The following MAP3K11 variants were observed in gnomAD, a reference collection of about 807,000 sequenced individuals.
MAP3K11 encodes SH3 domain-containing proline-rich kinase.
In MAP3K11, 46 loss-of-function variants were observed where a neutral mutation model predicts 84.9. That is an observed-to-expected ratio of 0.54 (90% CI 0.43 to 0.69). MAP3K11 has a LOEUF of 0.69. Among genes scored for constraint, MAP3K11 ranks in the 30% least tolerant of loss-of-function variants. The pLI, the probability that MAP3K11 is intolerant of heterozygous loss-of-function variation, is 0.00. For synonymous variants in MAP3K11, 527 were observed against 514.7 expected, an observed-to-expected ratio of 1.02 and a Z score of -0.32; for missense variants, 1,053 against 1,198.3, an observed-to-expected ratio of 0.88 and a Z score of 1.79.
chr11:65,601,525 G>C (rs1214197664), intron 8 of MAP3K11, among the ~76,000 whole-genome samples: 1 of 152,176 alleles, frequency 6.6e-6, no homozygotes, highest in African/African-American at 2.4e-5. Flanking sequence ...GGGAGGCCCA[G>C]GTGGGATGAT....
chr11:65,605,810 T>C lies in MAP3K11; in HGVS notation c.1782A>G (p.Ser594=), dbSNP rs375349799. 22 of 1,612,950 alleles carry C rather than the reference T, an allele frequency of 1.4e-5. No individual in the cohort carries two copies. The Middle Eastern group carries it at 1.3e-3, about 96-fold the overall frequency. Residue 594 remains serine, a synonymous_variant, in exon 8 of 10, where the codon TCA becomes TCG. Coordinates refer to ENST00000309100, the MANE Select transcript of MAP3K11 (RefSeq NM_002419.4). The part of the protein sequence containing the change: ...RMDEATWYLD[S]DDSSPLGSPS... The stretch of plus-strand genomic sequence containing the variant: ...GAGATCCTAAGGGGGATGAGTCATC[T>C]GAATCCAGGTACCATGTGGCTTCGT...
chr11:65,598,118 G>C lies in MAP3K11; in HGVS notation c.*173C>G. On this transcript the variant is annotated 3_prime_UTR_variant, in exon 10 of 10. Coordinates refer to ENST00000309100, the MANE Select transcript of MAP3K11 (RefSeq NM_002419.4). ...ACAGGTTTCAGATGTGGGGGCGCAG[G>C]TCCCCCTTCCAGTGTGAAGGCTTCC... 1 of 450,296 alleles carries C rather than the reference G, an allele frequency of 2.2e-6. No homozygotes were observed. Among genetic ancestry groups the C allele is most frequent in the Non-Finnish European group, 3.8e-6 (1 of 266,624 alleles). 27.9% of individuals were successfully genotyped at this position (450,296 alleles called of 1,614,324 possible).
intron 8 of MAP3K11, among the ~76,000 whole-genome samples, chr11:65,601,593 A>G (rs1854456372): frequency 6.6e-6 from 1 of 151,472 alleles, no homozygotes; most frequent in Non-Finnish European, 1.5e-5. Context: ...TGTCTCTACT[A>G]AAAACACAAA....
Position 65,605,993 on chromosome 11 carries a change from C to T in MAP3K11, c.1692G>A (p.Trp564Ter), listed in dbSNP as rs554314267. The change falls in exon 7 of 10, where the codon TGG (tryptophan) becomes TGA (stop). Residue 564 changes from tryptophan to a stop codon, truncating the protein, a stop_gained. Transcript: ENST00000309100. LOFTEE classifies it high-confidence loss of function. ...GCTTGGGGGAACTGGGACCCCAAGCCCAGCATGCTCGCCGCTCTCCATTGC... is the reference window on the plus strand; with the variant it reads ...GCTTGGGGGAACTGGGACCCCAAGCTCAGCATGCTCGCCGCTCTCCATTGC... ...DSSNGERRAC[W>*]AWGPSSPKPG... is the part of the protein sequence containing the mutation. The T allele has an allele frequency of 6.2e-7, 1 of 1,600,884 alleles. No individual in the cohort carries two copies. Among genetic ancestry groups the T allele is most frequent in the African/African-American group, 1.4e-5 (1 of 74,036 alleles).
chr11:65,598,668 C>T (rs1854414282), intron 9 of MAP3K11, 40 bp from the exon 10 acceptor site: 3 of 1,410,218 alleles, frequency 2.1e-6, no homozygotes, highest in Non-Finnish European at 2.8e-6. Context: ...AAGCAACCCC[C>T]AACTGCTGAG....
intron 8 of MAP3K11, 40 bp downstream of exon 8, chr11:65,605,718 AAGG>A: frequency 6.7e-7 from 1 of 1,485,428 alleles, no homozygotes. Context: ...GTGCCCACGG[AAGG>A]AGCTCAGCCA....
chr11:65,610,172 C>T (rs1042757491), intron 1 of MAP3K11: 1 of 152,350 alleles, frequency 6.6e-6, no homozygotes, highest in African/African-American at 2.4e-5. Flanking sequence ...GCAGCTCTAC[C>T]TGATGTCCAG....
At position 65,606,039 on chromosome 11, in the gene MAP3K11, G is replaced by C. The variant is rs895107481; in HGVS notation, c.1646C>G (p.Pro549Arg). The C allele has an allele frequency of 6.3e-7, 1 of 1,591,018 alleles. No homozygotes were observed. The highest frequency in any genetic ancestry group is 1.4e-5 in the African/African-American group (1 of 73,502). Reference protein sequence around the residue: ...EPGQAWGRQSPRRLEDSSNGE... With the variant: ...EPGQAWGRQSRRRLEDSSNGE... ...ATTGCTTGAGTCCTCCAGACGTCGG[G>C]GGGACTGGCGGCCCCATGCCTGGCC... Residue 549 changes from proline to arginine, a missense_variant, in exon 7 of 10, where the codon CCC (proline) becomes CGC (arginine). Transcript: ENST00000309100.
intron 9 of MAP3K11, 113 bp downstream of exon 9, chr11:65,599,281 G>C: frequency 1.5e-6 from 2 of 1,294,158 alleles, no homozygotes; most frequent in Non-Finnish European, 2.0e-6. Flanking sequence ...TCAGGGTCCA[G>C]CTGATGACTG....
intron 1 of MAP3K11, 124 bp from the exon 2 acceptor site, chr11:65,608,572 T>C: frequency 3.9e-6 from 3 of 764,398 alleles, no homozygotes; most frequent in South Asian, 1.8e-5. Flanking sequence ...GGTGACTTGG[T>C]CTAGATCTTG....
chr11:65,610,557 C>T (rs7122657), intron 1 of MAP3K11: 40,828 of 152,184 alleles, frequency 0.27, 6,030 homozygotes, highest in Non-Finnish European at 0.34. Flanking sequence ...ATTTAGCAAG[C>T]CCCCGACGAC....
At chr11:65,606,982 T>A (rs1196057590) in intron 5 of MAP3K11, 178 bp from the exon 6 acceptor site, 2 of 575,502 alleles carry the variant, frequency 3.5e-6, no homozygotes, top group Middle Eastern at 4.4e-4. Context: ...GGAAAGCTAC[T>A]CGTCTGAGTC....
chr11:65,602,485 C>T (rs1854466566), intron 8 of MAP3K11, among the ~76,000 whole-genome samples: 1 of 151,564 alleles, frequency 6.6e-6, no homozygotes, highest in African/African-American at 2.4e-5. Flanking sequence ...ATCTCTACTA[C>T]AAATACAAAC....
intron 8 of MAP3K11, 112 bp downstream of exon 8, chr11:65,605,649 T>C: frequency 1.4e-6 from 1 of 733,916 alleles, no homozygotes. Flanking sequence ...GTCTCTAGAA[T>C]GAGAGCAACC....
chr11:65,601,527 T>G (rs1261973858), intron 8 of MAP3K11, among the ~76,000 whole-genome samples: 1 of 151,894 alleles, frequency 6.6e-6, no homozygotes, highest in South Asian at 2.1e-4. Flanking sequence ...GAGGCCCAGG[T>G]GGGATGATCA....
chr11:65,598,471 A>G lies in MAP3K11; in HGVS notation c.2364T>C (p.Pro788=), dbSNP rs768888767. The G allele has an allele frequency of 6.2e-7, 1 of 1,613,350 alleles. No individual in the cohort carries two copies. Among genetic ancestry groups the G allele is most frequent in the Non-Finnish European group, 8.5e-7 (1 of 1,179,634 alleles). Residue 788 remains proline (P), a synonymous_variant, in exon 10 of 10, where the codon CCT becomes CCC. Coordinates refer to ENST00000309100, the MANE Select transcript of MAP3K11 (RefSeq NM_002419.4). ...PWSFVSAGPR[P]SPLPSPQPAP... ...CAGGCTGTGGTGATGGCAGGGGAGA[A>G]GGCCGTGGCCCAGCTGACACAAAGC...
In MAP3K11 at chr11:65,598,189, G is replaced by A. The variant is rs995074427; in HGVS notation, c.*102C>T. On this transcript the variant is annotated 3_prime_UTR_variant, in exon 10 of 10. Coordinates refer to ENST00000309100, the MANE Select transcript of MAP3K11 (RefSeq NM_002419.4). ...ACCCCCAAAGGGGGGTGGGGTCCCT[G>A]GGGAAACTGAGGCAGCTGCAGAGGC... is the stretch of plus-strand genomic sequence containing the variant. 1.5e-4 allele frequency: 158 copies of A among 1,039,028 alleles called. 1 individual carries two copies. Among genetic ancestry groups the A allele is most frequent in the Non-Finnish European group, 1.9e-4 (144 of 776,488 alleles). 64.4% of individuals were successfully genotyped at this position (1,039,028 alleles called of 1,614,324 possible). A position where few individuals can be genotyped will look rare whatever the true frequency, so the allele number is the denominator to read the frequency against.
intron 8 of MAP3K11, 97 bp downstream of exon 8, chr11:65,605,664 C>T: frequency 3.6e-6 from 3 of 825,322 alleles, no homozygotes; most frequent in Non-Finnish European, 3.8e-6. Flanking sequence ...GCAACCAGGG[C>T]AGGACTCCTG....
At chr11:65,601,925 C>A (rs894607327) in intron 8 of MAP3K11, among the ~76,000 whole-genome samples, 12 of 151,782 alleles carry the variant, frequency 7.9e-5, no homozygotes, top group African/African-American at 2.9e-4. Flanking sequence ...AAGAGTTGGC[C>A]GGGTGCGGTG....
Sources: gnomAD v4.1 joint callset for allele counts (sites outside exome capture counted in the v4.1 genomes callset) on GRCh38, gnomAD v4.1.1 for gene constraint, MANE v1.5 for transcripts, NCBI Gene and HGNC (gene_info 2026-07-23, HGNC 2026-07-21) for gene names.